Variants in AKAP8L observed in about 807,000 individuals in gnomAD.
The protein encoded by AKAP8L is A-kinase anchor protein 8-like.
In AKAP8L, 34 loss-of-function variants were observed where a neutral mutation model predicts 77.5. The ratio of observed to expected loss-of-function variants is 0.44; its 90% CI spans 0.33 to 0.58. AKAP8L has a LOEUF of 0.58. AKAP8L is among the 20% of genes least tolerant of loss of function. The probability of loss-of-function intolerance (pLI) is 0.02; values close to 1 mark genes in which losing one functional copy is unlikely to be tolerated. For synonymous variants in AKAP8L, 342 were observed against 340.7 expected, an observed-to-expected ratio of 1.00 and a Z score of -0.04; for missense variants, 806 against 887.6, an observed-to-expected ratio of 0.91 and a Z score of 1.17.
At position 15,397,151 on chromosome 19, in the gene AKAP8L, C is replaced by T; in HGVS notation, c.1535G>A (p.Arg512Lys). The change falls in exon 12 of 14, where the codon AGG becomes AAG. Residue 512 changes from arginine (R) to lysine (K), a missense_variant and splice_region_variant. By Grantham distance (26) the Arg-to-Lys change is conservative (BLOSUM62 2). Coordinates refer to ENST00000397410, the MANE Select transcript of AKAP8L (RefSeq NM_014371.4). The surrounding 1 kb of genome is among the most constrained non-coding windows in gnomAD (Gnocchi z 4.7). ...LKTMDHNRNR[R>K]LMMEQSKKSS... ...AGGGAGAGCACTGTGGCCACTCACC[C>T]TGCGGTTCCGGTTGTGATCCATGGT... 1 of 1,613,736 alleles carries T rather than the reference C, an allele frequency of 6.2e-7. No individual in the cohort carries two copies. Among genetic ancestry groups the T allele is most frequent in the Non-Finnish European group, 8.5e-7 (1 of 1,179,862 alleles).
intron 2 of AKAP8L, among the ~76,000 whole-genome samples, chr19:15,406,699 G>C (rs932108666): frequency 1.3e-5 from 2 of 151,726 alleles, no homozygotes; most frequent in Non-Finnish European, 2.9e-5. Flanking sequence ...ACTCCTGGGG[G>C]CTCAAGCCTC....
In AKAP8L at chr19:15,398,730, G is replaced by C; in HGVS notation, c.1157+572C>G. Reference sequence around the variant, plus strand: ...TGAGGAAGGTCCAGCAAGAGCAAGAGTCTGAGGCGGAGGAGGCAAGCGCCA... The same window carrying C: ...TGAGGAAGGTCCAGCAAGAGCAAGACTCTGAGGCGGAGGAGGCAAGCGCCA... On this transcript the variant is annotated intron_variant, in intron 9 of 13. Coordinates refer to ENST00000397410, the MANE Select transcript of AKAP8L (RefSeq NM_014371.4). The surrounding 1 kb of genome is among the most constrained non-coding windows in gnomAD (Gnocchi z 9.2). 5 of 990,408 alleles carry C rather than the reference G, an allele frequency of 5.0e-6. No individual in the cohort carries two copies. The highest frequency in any genetic ancestry group is 6.0e-6 in the Non-Finnish European group (5 of 833,270). The allele number at this position is 990,408 out of a possible 1,614,324, so 61.4% of individuals were successfully genotyped here.
At chr19:15,405,212 C>T (rs1456440233) in intron 2 of AKAP8L, among the ~76,000 whole-genome samples, 2 of 152,144 alleles carry the variant, frequency 1.3e-5, no homozygotes, top group Admixed American at 1.3e-4. Context: ...TTCTAAGAGG[C>T]AAGAGAGGCT....
chr19:15,396,420 A>T (rs1967777824), intron 12 of AKAP8L, among the ~76,000 whole-genome samples: 1 of 152,144 alleles, frequency 6.6e-6, no homozygotes, highest in African/African-American at 2.4e-5. Context: ...CATGCTAGGC[A>T]CTGGAGCAAC....
At chr19:15,400,458 T>G in intron 7 of AKAP8L, 100 bp from the exon 8 acceptor site, 2 of 1,192,998 alleles carry the variant, frequency 1.7e-6, no homozygotes, top group South Asian at 1.4e-5. Flanking sequence ...AAACAGCTGC[T>G]TGCTCCATAG....
Position 15,399,816 on chromosome 19 carries a change from A to C in AKAP8L, c.1049-406T>G. 3.2e-6 allele frequency: 1 copy of C among 313,130 alleles called. No individual in the cohort carries two copies. Among genetic ancestry groups the C allele is most frequent in the Non-Finnish European group, 6.1e-6 (1 of 164,714 alleles). The allele number at this position is 313,130 out of a possible 1,614,324, so 19.4% of individuals were successfully genotyped here. A position where few individuals can be genotyped will look rare whatever the true frequency, so the allele number is the denominator to read the frequency against. On this transcript the variant is annotated intron_variant, in intron 8 of 13. Coordinates refer to ENST00000397410, the MANE Select transcript of AKAP8L (RefSeq NM_014371.4). The surrounding 1 kb of genome is among the most constrained non-coding windows in gnomAD (Gnocchi z 6.1). Reference sequence around the variant, plus strand: ...CGCGGCAACAGTGGGCTGACGCTGGATTTGCTGTTAGGTACCTGCTGGCGC... The same window carrying C: ...CGCGGCAACAGTGGGCTGACGCTGGCTTTGCTGTTAGGTACCTGCTGGCGC...
chr19:15,396,903 G>A (rs952894316), intron 12 of AKAP8L, among the ~76,000 whole-genome samples: 6 of 152,168 alleles, frequency 3.9e-5, no homozygotes, highest in Non-Finnish European at 8.8e-5. Flanking sequence ...ATCTGGCGCT[G>A]GCCCCTATGA....
rs1416046292 is a variant in AKAP8L at position 15,404,019 on chromosome 19, T to C, written c.112A>G (p.Thr38Ala). ...DYGYGTWNSGTNRGYEGYGYG... is the reference protein window; with the variant it reads ...DYGYGTWNSGANRGYEGYGYG... ...CAGGAATGACACTTGCCTCTATTTG[T>C]CCCAGAGTTCCAAGTTCCATATCCT... The change falls in exon 3 of 14, where the codon ACA (threonine) becomes GCA (alanine). Residue 38 changes from threonine to alanine, a missense_variant. Thr to Ala is a moderately conservative substitution (Grantham distance 58). Transcript: ENST00000397410. 1 of 1,613,708 alleles carries C rather than the reference T, an allele frequency of 6.2e-7. No homozygotes were observed. Among genetic ancestry groups the C allele is most frequent in the Non-Finnish European group, 8.5e-7 (1 of 1,179,836 alleles).
chr19:15,391,017 TCAC>T (rs1967648357), intron 12 of AKAP8L, among the ~76,000 whole-genome samples: 1 of 152,174 alleles, frequency 6.6e-6, no homozygotes, highest in Non-Finnish European at 1.5e-5. Context: ...ACATCCATTC[TCAC>T]CACTTCTATT....
chr19:15,384,468 T>G (rs1471764404), intron 12 of AKAP8L, among the ~76,000 whole-genome samples: 1 of 151,550 alleles, frequency 6.6e-6, no homozygotes, highest in African/African-American at 2.4e-5. Flanking sequence ...CCCAGCTAAT[T>G]TTTTGTATTT....
chr19:15,403,871 G>A lies in AKAP8L; in HGVS notation c.121+139C>T. The A allele has an allele frequency of 8.9e-7, 1 of 1,119,292 alleles. No homozygotes were observed. Among genetic ancestry groups the A allele is most frequent in the Admixed American group, 2.2e-5 (1 of 45,992 alleles). 69.3% of individuals were successfully genotyped at this position (1,119,292 alleles called of 1,614,324 possible). A position where few individuals can be genotyped will look rare whatever the true frequency, so the allele number is the denominator to read the frequency against. On this transcript the variant is annotated intron_variant, in intron 3 of 13. Transcript: ENST00000397410. The surrounding 1 kb of genome is among the most constrained non-coding windows in gnomAD (Gnocchi z 4.3). ...GATGGGCCCTGGTCATTCTGATGAG[G>A]GCCTCCTGTTAAGGAGTAGGTAACC...
chr19:15,396,306 C>G (rs1420824794), intron 12 of AKAP8L, among the ~76,000 whole-genome samples: 1 of 152,012 alleles, frequency 6.6e-6, no homozygotes, highest in Admixed American at 6.5e-5. Context: ...TGGCCCAGAC[C>G]TGGTCCTGGG....
At chr19:15,389,057 A>AG (rs1454141141) in intron 12 of AKAP8L, among the ~76,000 whole-genome samples, 1 of 146,738 alleles carries the variant, frequency 6.8e-6, no homozygotes, top group Non-Finnish European at 1.5e-5. Flanking sequence ...TACTAAAAAA[A>AG]AAAAAAAATA....
chr19:15,413,684 C>T (rs1968148522), intron 1 of AKAP8L, among the ~76,000 whole-genome samples: 1 of 152,178 alleles, frequency 6.6e-6, no homozygotes. Context: ...AATACCCAGC[C>T]CCTGCGGTCT....
chr19:15,395,812 G>A (rs1229275370), intron 12 of AKAP8L, among the ~76,000 whole-genome samples: 7 of 141,376 alleles, frequency 5.0e-5, no homozygotes, highest in East Asian at 2.1e-4. Flanking sequence ...GTGAAACCCC[G>A]TCTCTACTAA....
At chr19:15,405,642 AG>A (rs1967981468) in intron 2 of AKAP8L, among the ~76,000 whole-genome samples, 1 of 151,856 alleles carries the variant, frequency 6.6e-6, no homozygotes, top group Non-Finnish European at 1.5e-5. Context: ...AGAAAATAGG[AG>A]TTGGGCGTGG....
chr19:15,386,939 G>A (rs1010718075), intron 12 of AKAP8L, among the ~76,000 whole-genome samples: 6 of 152,128 alleles, frequency 3.9e-5, no homozygotes, highest in African/African-American at 1.4e-4. Flanking sequence ...GATTACAGGC[G>A]TGAGCCACTG....
In AKAP8L at chr19:15,411,285, C is replaced by G. The variant is rs530541162; in HGVS notation, c.14-691G>C. ...AACCATGTTAAAGCAAATAATACCC[C>G]CCTCCCTGTTCTAAATCTGAAACAG... On this transcript the variant is annotated intron_variant, in intron 1 of 13. Transcript: ENST00000397410. Among the ~76,000 whole-genome samples, 3 of 152,296 alleles carry G rather than the reference C, an allele frequency of 2.0e-5. No individual in the cohort carries two copies. In the East Asian group the frequency reaches 5.8e-4, roughly 29 times the overall value.
At chr19:15,409,565 A>G (rs1218647606) in intron 2 of AKAP8L, among the ~76,000 whole-genome samples, 1 of 152,170 alleles carries the variant, frequency 6.6e-6, no homozygotes, top group Non-Finnish European at 1.5e-5. Context: ...AGTAAAAGAA[A>G]TTACCCATCT....
Sources: allele counts gnomAD v4.1 joint callset (sites outside exome capture counted in the v4.1 genomes callset), GRCh38; gene constraint gnomAD v4.1.1; non-coding constraint Gnocchi (gnomAD v3.1); transcripts MANE v1.5; gene names NCBI Gene and HGNC (gene_info 2026-07-23, HGNC 2026-07-21).